AHNAK2: variants seen among roughly 807,000 people sequenced by gnomAD.
AHNAK2 encodes the protein AHNAK nucleoprotein 2.
In AHNAK2, 18 loss-of-function variants were observed where a neutral mutation model predicts 30.7. The observed-to-expected ratio is 0.59, with a 90% CI of 0.41 to 0.87. The LOEUF (loss-of-function observed/expected upper bound fraction) is 0.87. AHNAK2 is among the 40% of genes least tolerant of loss of function. The probability of loss-of-function intolerance (pLI) is 0.00; values close to 1 mark genes in which losing one functional copy is unlikely to be tolerated. For missense variants in AHNAK2, 8,604 were observed against 7,373.0 expected (o/e 1.17, Z -6.11); for synonymous variants, 3,590 against 3,073.8 (o/e 1.17, Z -5.56).
chr14:104,949,698 T>A lies in AHNAK2; in HGVS notation c.5753A>T (p.Lys1918Ile), dbSNP rs374490350. 2.8e-5 allele frequency: 44 copies of A among 1,586,974 alleles called. 3 individuals carry two copies. In the African/African-American group the frequency reaches 3.3e-4, roughly 12 times the overall value. ...TGTCTGGGGGCCCTTGAGGTCCACT[T>A]TGGGCATCTTGAAACTGGGCATATC... ...KVDMPSFKMP[K>I]VDLKGPQTDV... Residue 1918 changes from lysine to isoleucine, a missense_variant, in exon 7 of 7, where the codon AAA becomes ATA. Lys to Ile is a moderately radical substitution (Grantham distance 102). Transcript: ENST00000333244.
chr14:104,961,382 C>T (rs563998586), intron 1 of AHNAK2, among the ~76,000 whole-genome samples: 16 of 151,926 alleles, frequency 1.1e-4, no homozygotes, highest in Middle Eastern at 3.4e-3. Context: ...GGCGAGGTGG[C>T]GGGCGCCTGT....
At position 104,942,533 on chromosome 14, in the gene AHNAK2, C is replaced by G. The variant is rs371596783; in HGVS notation, c.12918G>C (p.Pro4306=). 1.1e-5 allele frequency: 17 copies of G among 1,609,288 alleles called. No homozygotes were observed. The highest frequency in any genetic ancestry group is 9.5e-5 in the African/African-American group (7 of 73,892). ...SKFKMPKFKM[P]SFGVSAPGKS... ...TGCCTGGGGCAGACACCCCGAACGA[C>G]GGCATCTTGAACTTGGGCATTTTGA... Residue 4306 remains proline, a synonymous_variant, in exon 7 of 7, where the codon CCG becomes CCC. Coordinates refer to ENST00000333244, the MANE Select transcript of AHNAK2 (RefSeq NM_138420.4).
rs1898815756 is a variant in AHNAK2, at chr14:104,952,828, C to T, written c.2623G>A (p.Asp875Asn). The T allele has an allele frequency of 4.3e-6, 7 of 1,612,650 alleles. No individual in the cohort carries two copies. The Admixed American group carries it at 1.2e-4, about 27-fold the overall frequency. Residue 875 changes from aspartate (D) to asparagine (N), a missense_variant, in exon 7 of 7, where the codon GAC becomes AAC. Coordinates refer to ENST00000333244, the MANE Select transcript of AHNAK2 (RefSeq NM_138420.4). ...ATGCTGAGGTCAGTGGCCTTGAGGTCCCCCTGCATGGAGGAGAGGCTCACG... is the reference window on the plus strand; with the variant it reads ...ATGCTGAGGTCAGTGGCCTTGAGGTTCCCCTGCATGGAGGAGAGGCTCACG... Reference protein sequence around the residue: ...ADVSLSSMQGDLKATDLSIQP... With the variant: ...ADVSLSSMQGNLKATDLSIQP...
Position 104,946,959 on chromosome 14 carries a change from G to A in AHNAK2, c.8492C>T (p.Ser2831Phe), listed in dbSNP as rs1423404482. Residue 2831 changes from serine (S) to phenylalanine (F), a missense_variant, in exon 7 of 7, where the codon TCC (serine) becomes TTC (phenylalanine). Coordinates refer to ENST00000333244, the MANE Select transcript of AHNAK2 (RefSeq NM_138420.4). ...PSFGVSAPGK[S>F]IEASVDVSEL... ...AGACACATCCACCGAGGCCTCGATGGACTTGCCTGGGGCCGACACCCCGAA... is the reference window on the plus strand; with the variant it reads ...AGACACATCCACCGAGGCCTCGATGAACTTGCCTGGGGCCGACACCCCGAA... 2 of 1,612,588 alleles carry A rather than the reference G, an allele frequency of 1.2e-6. No individual in the cohort carries two copies. Among genetic ancestry groups the A allele is most frequent in the Admixed American group, 3.3e-5 (2 of 59,900 alleles).
chr14:104,973,701 C>G (rs1595435182), intron 1 of AHNAK2, among the ~76,000 whole-genome samples: 1 of 152,204 alleles, frequency 6.6e-6, no homozygotes, highest in East Asian at 1.9e-4. Context: ...AGATCCCTTT[C>G]CGGACTCCTG....
chr14:104,951,706 C>T lies in AHNAK2; in HGVS notation c.3745G>A (p.Val1249Met), dbSNP rs556765311. The change falls in exon 7 of 7, where the codon GTG (valine) becomes ATG (methionine). Residue 1249 changes from valine to methionine, a missense_variant. Val to Met is a conservative substitution (Grantham distance 21, BLOSUM62 1). Transcript: ENST00000333244. ...GAGFKGHLPK[V>M]QMPSLKMPKV... ...GGCATCTTCAAACTAGGCATCTGCACCTTGGGCAGGTGCCCTTTGAAGCCG... is the reference window on the plus strand; with the variant it reads ...GGCATCTTCAAACTAGGCATCTGCATCTTGGGCAGGTGCCCTTTGAAGCCG... The T allele has an allele frequency of 5.6e-6, 7 of 1,241,464 alleles. 2 individuals are homozygous for T. The South Asian group carries it at 5.7e-5, about 10-fold the overall frequency. 76.9% of individuals were successfully genotyped at this position (1,241,464 alleles called of 1,614,324 possible).
chr14:104,948,540 A>C lies in AHNAK2; in HGVS notation c.6911T>G (p.Met2304Arg), dbSNP rs1566909944. Reference sequence around the variant, plus strand: ...AGTCACGTCCTTGTCGGCCAGGGACATGTCCCCCTCCAGCCGCGCACCATC... The same window carrying C: ...AGTCACGTCCTTGTCGGCCAGGGACCTGTCCCCCTCCAGCCGCGCACCATC... ...KLDGARLEGD[M>R]SLADKDVTAK... Residue 2304 changes from methionine to arginine, a missense_variant, in exon 7 of 7, where the codon ATG becomes AGG. Transcript: ENST00000333244. The C allele has an allele frequency of 3.1e-6, 5 of 1,612,000 alleles. No individual in the cohort carries two copies. In the South Asian group the frequency reaches 5.5e-5, roughly 18 times the overall value.
chr14:104,947,157 G>T lies in AHNAK2; in HGVS notation c.8294C>A (p.Ala2765Glu). 6.2e-7 allele frequency: 1 copy of T among 1,611,968 alleles called. No individual in the cohort carries two copies. Among genetic ancestry groups the T allele is most frequent in the Middle Eastern group, 1.7e-4 (1 of 6,032 alleles). Residue 2765 changes from alanine (A) to glutamate (E), a missense_variant, in exon 7 of 7, where the codon GCG becomes GAG. Transcript: ENST00000333244. ...CTTCACATCGGGGGCTGTCACTTCCGCCTTGGGGCCTTTCAGGTCCACGTT... is the reference window on the plus strand; with the variant it reads ...CTTCACATCGGGGGCTGTCACTTCCTCCTTGGGGCCTTTCAGGTCCACGTT... ...GPNVDLKGPKAEVTAPDVKMS... is the reference protein window; with the variant it reads ...GPNVDLKGPKEEVTAPDVKMS...
In AHNAK2 at chr14:104,949,967, G is replaced by A. The variant is rs2582508; in HGVS notation, c.5484C>T (p.Phe1828=). 1.1e-4 allele frequency: 174 copies of A among 1,588,850 alleles called. 6 individuals are homozygous for A. The African/African-American group carries it at 2.2e-3, about 20-fold the overall frequency. ...CAGACACCCCGAACGACGGCATCTT[G>A]AACTTGGGCATTTTGAACTTGCTGT... The part of the protein sequence containing the change: ...AKDSKFKMPK[F]KMPSFGVSAP... Residue 1828 remains phenylalanine, a synonymous_variant, in exon 7 of 7, where the codon TTC becomes TTT. Coordinates refer to ENST00000333244, the MANE Select transcript of AHNAK2 (RefSeq NM_138420.4).
rs772689212 is a variant in AHNAK2, at chr14:104,948,568, G to C, written c.6883C>G (p.Leu2295Val). 3 of 1,612,526 alleles carry C rather than the reference G, an allele frequency of 1.9e-6. No homozygotes were observed. The highest frequency in any genetic ancestry group is 2.7e-5 in the African/African-American group (2 of 73,976). Residue 2295 changes from leucine (L) to valine (V), a missense_variant, in exon 7 of 7, where the codon CTG becomes GTG. Coordinates refer to ENST00000333244, the MANE Select transcript of AHNAK2 (RefSeq NM_138420.4). ...TCCCCCTCCAGCCGCGCACCATCCA[G>C]CTTGGCTCCTGGGGCCTTGACGTCC... ...EVDVKAPGAK[L>V]DGARLEGDMS...
rs375238677 is a variant in AHNAK2 at position 104,952,412 on chromosome 14, T to C, written c.3039A>G (p.Pro1013=). 4 of 1,612,704 alleles carry C rather than the reference T, an allele frequency of 2.5e-6. No homozygotes were observed. Among genetic ancestry groups the C allele is most frequent in the Admixed American group, 1.7e-5 (1 of 59,932 alleles). ...FKMPSFGVSA[P]GKSIKALVDV... ...CCACCAAGGCCTTGATGGACTTCCC[T>C]GGGGCCGATACCCCGAACGACGGCA... Residue 1013 remains proline (P), a synonymous_variant, in exon 7 of 7, where the codon CCA becomes CCG. Transcript: ENST00000333244.
rs371953935 is a variant in AHNAK2, at chr14:104,941,201, C to A, written c.14250G>T (p.Ser4750=). The A allele has an allele frequency of 6.2e-7, 1 of 1,613,524 alleles. No homozygotes were observed. Among genetic ancestry groups the A allele is most frequent in the Admixed American group, 1.7e-5 (1 of 60,020 alleles). The part of the protein sequence containing the change: ...ECSSFELQQV[S]ACSEPSMQMP... Reference sequence around the variant, plus strand: ...TCTGCATGGATGGCTCTGAACAAGCCGAAACCTGTTGTAATTCAAAACTTG... The same window carrying A: ...TCTGCATGGATGGCTCTGAACAAGCAGAAACCTGTTGTAATTCAAAACTTG... The change falls in exon 7 of 7, where the codon TCG becomes TCT. Residue 4750 remains serine (S), a synonymous_variant. Transcript: ENST00000333244.
rs202238703 is a variant in AHNAK2 at position 104,949,924 on chromosome 14, C to T, written c.5527G>A (p.Glu1843Lys). ...GGCGCAGACACATCCACCGAGGCCT[C>T]GATGGACTTGCCTGGGGCAGACACC... ...FGVSAPGKSI[E>K]ASVDVSAPKV... Residue 1843 changes from glutamate to lysine, a missense_variant, in exon 7 of 7, where the codon GAG becomes AAG. Physicochemically the swap from Glu to Lys is moderately conservative, Grantham distance 56. Transcript: ENST00000333244. 1.2e-4 allele frequency: 191 copies of T among 1,588,630 alleles called. 12 individuals carry two copies. In the Middle Eastern group the frequency reaches 1.7e-3, roughly 14 times the overall value.
rs769394014 is a variant in AHNAK2 at position 104,950,823 on chromosome 14, A to T, written c.4628T>A (p.Ile1543Lys). Residue 1543 changes from isoleucine to lysine, a missense_variant, in exon 7 of 7, where the codon ATA becomes AAA. Coordinates refer to ENST00000333244, the MANE Select transcript of AHNAK2 (RefSeq NM_138420.4). ...CTCCAGGTCAGCAGAAGGGGGCTGT[A>T]TGCTCAGGTCAGTGGCCTTGAGGTC... ...QGDLKATDLS[I>K]QPPSADLEVQ... 75 of 1,585,576 alleles carry T rather than the reference A, an allele frequency of 4.7e-5. 9 individuals are homozygous for T. In the Admixed American group the frequency reaches 5.9e-4, roughly 13 times the overall value.
At position 104,948,036 on chromosome 14, in the gene AHNAK2, G is replaced by A. The variant is rs199577521; in HGVS notation, c.7415C>T (p.Ala2472Val). The change falls in exon 7 of 7, where the codon GCG becomes GTG. Residue 2472 changes from alanine (A) to valine (V), a missense_variant. By Grantham distance (64) the Ala-to-Val change is moderately conservative. Coordinates refer to ENST00000333244, the MANE Select transcript of AHNAK2 (RefSeq NM_138420.4). ...GAWLEGDLSV[A>V]DKDVTTKDSR... ...GTCTTTGGTAGTCACATCCTTGTCCGCCACAGACAGGTCCCCCTCCAGCCA... is the reference window on the plus strand; with the variant it reads ...GTCTTTGGTAGTCACATCCTTGTCCACCACAGACAGGTCCCCCTCCAGCCA... The A allele has an allele frequency of 4.4e-4, 705 of 1,612,432 alleles. 3 individuals are homozygous for A. The highest frequency in any genetic ancestry group is 3.3e-4 in the Middle Eastern group (2 of 6,076).
chr14:104,943,140 T>A lies in AHNAK2; in HGVS notation c.12311A>T (p.Gln4104Leu). ...ACCATCCAGCTTTGCTCTCGGGGCC[T>A]GGACGTCCACCTCCATGCTGGACAG... Reference protein sequence around the residue: ...MSLSSMEVDVQAPRAKLDGVQ... With the variant: ...MSLSSMEVDVLAPRAKLDGVQ... Residue 4104 changes from glutamine (Q) to leucine (L), a missense_variant, in exon 7 of 7, where the codon CAG (glutamine) becomes CTG (leucine). Transcript: ENST00000333244. The A allele has an allele frequency of 1.2e-6, 2 of 1,613,402 alleles. No homozygotes were observed. Among genetic ancestry groups the A allele is most frequent in the Non-Finnish European group, 1.7e-6 (2 of 1,179,640 alleles).
In AHNAK2 at chr14:104,945,925, C is replaced by T. The variant is rs183427491; in HGVS notation, c.9526G>A (p.Asp3176Asn). 17 of 1,248,360 alleles carry T rather than the reference C, an allele frequency of 1.4e-5. 4 individuals are homozygous for T. Among genetic ancestry groups the T allele is most frequent in the Admixed American group, 9.3e-5 (5 of 53,620 alleles). The allele number at this position is 1,248,360 out of a possible 1,614,324, so 77.3% of individuals were successfully genotyped here. A position where few individuals can be genotyped will look rare whatever the true frequency, so the allele number is the denominator to read the frequency against. The change falls in exon 7 of 7, where the codon GAC (aspartate) becomes AAC (asparagine). Residue 3176 changes from aspartate (D) to asparagine (N), a missense_variant. Coordinates refer to ENST00000333244, the MANE Select transcript of AHNAK2 (RefSeq NM_138420.4). ...VDVSAPKVEADLSLPSMQGDL... is the reference protein window; with the variant it reads ...VDVSAPKVEANLSLPSMQGDL... ...CCCTGCATGGAGGGGAGGCTCAGGT[C>T]GGCCTCCACCTTTGGCGCAGACACA...
intron 4 of AHNAK2, among the ~76,000 whole-genome samples, chr14:104,956,134 G>A (rs1420217108): frequency 6.6e-6 from 1 of 152,170 alleles, no homozygotes; most frequent in African/African-American, 2.4e-5. Flanking sequence ...GGACTGCTGG[G>A]GCCTCCAAGG....
Position 104,943,846 on chromosome 14 carries a change from T to G in AHNAK2, c.11605A>C (p.Met3869Leu). ...DLTVQARQVD[M>L]KLLEGHVPEE... is the part of the protein sequence containing the mutation. The stretch of plus-strand genomic sequence containing the variant: ...GGCACGTGGCCCTCCAGGAGTTTCA[T>G]GTCCACCTGGCGAGCTTGGACCGTC... The change falls in exon 7 of 7, where the codon ATG becomes CTG. Residue 3869 changes from methionine to leucine, a missense_variant. By Grantham distance (15) the Met-to-Leu change is conservative. Coordinates refer to ENST00000333244, the MANE Select transcript of AHNAK2 (RefSeq NM_138420.4). 1.2e-6 allele frequency: 2 copies of G among 1,612,594 alleles called. No homozygotes were observed. The highest frequency in any genetic ancestry group is 1.7e-6 in the Non-Finnish European group (2 of 1,179,396).
Sources: allele counts gnomAD v4.1 joint callset (sites outside exome capture counted in the v4.1 genomes callset), GRCh38; gene constraint gnomAD v4.1.1; transcripts MANE v1.5; gene names NCBI Gene and HGNC (gene_info 2026-07-23, HGNC 2026-07-21).